The following SUPT20H variants were observed in gnomAD, a reference collection of about 807,000 sequenced individuals.
The protein encoded by SUPT20H is transcription factor SPT20 homolog.
Under a neutral mutation model 122.8 loss-of-function variants are expected in SUPT20H, and 82 were observed. The observed-to-expected ratio is 0.67, with a 90% CI of 0.56 to 0.80. The LOEUF (loss-of-function observed/expected upper bound fraction) is 0.80, where lower values mean the gene tolerates loss of function less well. Among genes scored for constraint, SUPT20H ranks in the 30% least tolerant of loss-of-function variants. The pLI is 0.00. For missense variants in SUPT20H, 831 were observed against 921.6 expected, an observed-to-expected ratio of 0.90 and a Z score of 1.27; for synonymous variants, 291 against 313.0, an observed-to-expected ratio of 0.93 and a Z score of 0.74.
In SUPT20H at chr13:37,009,620, T is replaced by G; in HGVS notation, c.*52A>C. On this transcript the variant is annotated 3_prime_UTR_variant, in exon 26 of 26. Coordinates refer to ENST00000350612, the MANE Select transcript of SUPT20H (RefSeq NM_001014286.3). ...AACAAAAAGTAGAAACTCAATTCTT[T>G]TGATTCAGTGCTCTTGTGTTTTTAA... 1 of 1,607,414 alleles carries G rather than the reference T, an allele frequency of 6.2e-7. No individual in the cohort carries two copies. The highest frequency in any genetic ancestry group is 1.1e-5 in the South Asian group (1 of 90,598).
intron 9 of SUPT20H, 89 bp downstream of exon 9, chr13:37,040,316 A>G: frequency 8.5e-7 from 1 of 1,175,658 alleles, no homozygotes; most frequent in Non-Finnish European, 1.2e-6. Context: ...TTATTGAATA[A>G]AAATAAGCAG....
rs1448518647 is a variant in SUPT20H at position 37,051,486 on chromosome 13, A to C, written c.3+2T>G. 1 of 1,611,534 alleles carries C rather than the reference A, an allele frequency of 6.2e-7. No homozygotes were observed. ...ATTTGAACATACTGAGCTGAAGCTTACCATTATGGCATAAAATAAGGGTCC... is the reference window on the plus strand; with the variant it reads ...ATTTGAACATACTGAGCTGAAGCTTCCCATTATGGCATAAAATAAGGGTCC... On this transcript the variant is annotated splice_donor_variant, in intron 2 of 25. Coordinates refer to ENST00000350612, the MANE Select transcript of SUPT20H (RefSeq NM_001014286.3). LOFTEE classifies it high-confidence loss of function.
At chr13:37,033,307 C>G in intron 10 of SUPT20H, 142 bp downstream of exon 10, 1 of 1,019,496 alleles carries the variant, frequency 9.8e-7, no homozygotes, top group Non-Finnish European at 1.4e-6. Context: ...TTGAGACTAG[C>G]CTGGGCAACA....
intron 2 of SUPT20H, among the ~76,000 whole-genome samples, chr13:37,050,722 A>G (rs2067501912): frequency 6.6e-6 from 1 of 152,216 alleles, no homozygotes; most frequent in African/African-American, 2.4e-5. Flanking sequence ...TAAGAGGAAA[A>G]TGATTAGGTA....
At chr13:37,051,759 C>T in intron 1 of SUPT20H, 176 bp from the exon 2 acceptor site, 1 of 339,546 alleles carries the variant, frequency 2.9e-6, no homozygotes. Context: ...ACAACCTATC[C>T]ACTCACTGCT....
chr13:37,015,962 T>G (rs894010049), intron 23 of SUPT20H, among the ~76,000 whole-genome samples: 2 of 152,162 alleles, frequency 1.3e-5, no homozygotes, highest in Non-Finnish European at 2.9e-5. Context: ...ATATGAGGTA[T>G]CTTGAATAGT....
At chr13:37,023,110 C>T (rs1258184563) in intron 19 of SUPT20H, 1 of 1,232,800 alleles carries the variant, frequency 8.1e-7, no homozygotes, top group Non-Finnish European at 1.0e-6. Context: ...CTTAAAGTAA[C>T]AACTGTGTGC....
chr13:37,025,083 AG>A (rs2062015953), intron 17 of SUPT20H: 1 of 396,336 alleles, frequency 2.5e-6, no homozygotes, highest in Non-Finnish European at 4.8e-6. Flanking sequence ...CTGGGATTAC[AG>A]GTGTGTGCCA....
intron 2 of SUPT20H, among the ~76,000 whole-genome samples, chr13:37,049,353 C>T (rs1594505308): frequency 6.6e-6 from 1 of 152,014 alleles, no homozygotes; most frequent in East Asian, 1.9e-4. Context: ...TTTTTAGAGA[C>T]GAGGAAAAAA....
rs183017517 is a variant in SUPT20H at position 37,040,768 on chromosome 13, G to A, written c.397-76C>T. ...TAAGTGGGTTTATATCAAACATTTC[G>A]CATTCTTTACATTCATGCAACATTT... On this transcript the variant is annotated intron_variant, in intron 7 of 25. Coordinates refer to ENST00000350612, the MANE Select transcript of SUPT20H (RefSeq NM_001014286.3). 2.4e-4 allele frequency: 268 copies of A among 1,111,468 alleles called. No homozygotes were observed. The African/African-American group carries it at 2.8e-3, about 12-fold the overall frequency. The allele number at this position is 1,111,468 out of a possible 1,614,324, so 68.9% of individuals were successfully genotyped here.
chr13:37,017,109 G>A, intron 23 of SUPT20H, 136 bp downstream of exon 23: 1 of 1,221,578 alleles, frequency 8.2e-7, no homozygotes, highest in Non-Finnish European at 1.2e-6. Flanking sequence ...ACACCCAATA[G>A]CTGATTGCTA....
intron 23 of SUPT20H, among the ~76,000 whole-genome samples, chr13:37,014,338 A>G (rs923994696): frequency 2.6e-5 from 4 of 152,100 alleles, no homozygotes; most frequent in Non-Finnish European, 2.9e-5. Flanking sequence ...TAACTGATAA[A>G]ACATACAGAA....
In SUPT20H at chr13:37,022,060, T is replaced by C. The variant is rs916794486; in HGVS notation, c.1612A>G (p.Met538Val). The C allele has an allele frequency of 1.9e-6, 3 of 1,613,744 alleles. No homozygotes were observed. In the African/African-American group the frequency reaches 4.0e-5, roughly 22 times the overall value. Residue 538 changes from methionine to valine, a missense_variant, in exon 20 of 26, where the codon ATG (methionine) becomes GTG (valine). Coordinates refer to ENST00000350612, the MANE Select transcript of SUPT20H (RefSeq NM_001014286.3). This position sits in a 1 kb window ranked among gnomAD's most constrained non-coding sequence, Gnocchi z 4.5. ...SSQRTTATQV[M>V]ANSAGLNFIN... is the part of the protein sequence containing the mutation. ...AAGTTAAGTCCAGCAGAGTTTGCCA[T>C]GACCTGGGTGGCCGTGGTTCCTGGA... is the stretch of plus-strand genomic sequence containing the variant.
chr13:37,016,683 C>G (rs2060564557), intron 23 of SUPT20H, among the ~76,000 whole-genome samples: 1 of 152,130 alleles, frequency 6.6e-6, no homozygotes, highest in Non-Finnish European at 1.5e-5. Flanking sequence ...GATAGAGAAA[C>G]TCTGGATTTG....
rs779456002 is a variant in SUPT20H, at chr13:37,045,132, G to GT, written c.292+114_292+115insA. On this transcript the variant is annotated intron_variant, in intron 6 of 25. Coordinates refer to ENST00000350612, the MANE Select transcript of SUPT20H (RefSeq NM_001014286.3). ...GGATCAAAATCTGTTTTTATCACTAGGTCATCACTATCTGAAGGACAAATG... is the reference window on the plus strand; with the variant it reads ...GGATCAAAATCTGTTTTTATCACTAGTGTCATCACTATCTGAAGGACAAATG... 5.2e-6 allele frequency: 7 copies of GT among 1,354,824 alleles called. No homozygotes were observed. The East Asian group carries it at 1.2e-4, about 23-fold the overall frequency. The allele number at this position is 1,354,824 out of a possible 1,614,324, so 83.9% of individuals were successfully genotyped here. A position where few individuals can be genotyped will look rare whatever the true frequency, so the allele number is the denominator to read the frequency against.
intron 2 of SUPT20H, among the ~76,000 whole-genome samples, chr13:37,049,976 C>T (rs1048131375): frequency 2.0e-5 from 3 of 152,094 alleles, no homozygotes; most frequent in African/African-American, 4.8e-5. Context: ...CTCCTACCAC[C>T]CACCAAAGTC....
chr13:37,046,453 C>T (rs577109319), intron 5 of SUPT20H, among the ~76,000 whole-genome samples: 18 of 152,258 alleles, frequency 1.2e-4, no homozygotes, highest in South Asian at 4.1e-4. Flanking sequence ...TAGTATTTTA[C>T]GCTTGTGGGC....
chr13:37,040,015 C>A (rs1177427408), intron 9 of SUPT20H: 1 of 156,228 alleles, frequency 6.4e-6, no homozygotes, highest in Non-Finnish European at 1.4e-5. Context: ...CCCCTCATTT[C>A]AAGGCAACCA....
intron 9 of SUPT20H, among the ~76,000 whole-genome samples, chr13:37,033,813 G>A (rs184802964): frequency 9.8e-4 from 149 of 152,276 alleles, no homozygotes; most frequent in Middle Eastern, 6.8e-3. Flanking sequence ...TTTTATTGTG[G>A]TTCGCAAATA....
Sources: gnomAD v4.1 joint callset for allele counts (sites outside exome capture counted in the v4.1 genomes callset) on GRCh38, gnomAD v4.1.1 for gene constraint, Gnocchi (gnomAD v3.1) non-coding constraint, MANE v1.5 for transcripts, NCBI Gene and HGNC (gene_info 2026-07-23, HGNC 2026-07-21) for gene names.